F8: variants seen among roughly 807,000 people sequenced by gnomAD.
The protein encoded by F8 is coagulation factor VIII, also known as antihemophilic factor.
In F8, 12 loss-of-function variants were observed where a neutral mutation model predicts 140.6. That is an observed-to-expected ratio of 0.09 (90% confidence interval 0.05 to 0.14). The LOEUF (loss-of-function observed/expected upper bound fraction) is 0.14. Ranked by LOEUF, F8 falls within the 10% of genes least tolerant of loss-of-function variation. The pLI is 1.00. For synonymous variants in F8, 585 were observed against 614.6 expected (o/e 0.95, Z 0.71); for missense variants, 1,354 against 1,720.7 (o/e 0.79, Z 3.77).
At position 154,975,345 on chromosome X, in the gene F8, T is replaced by G. The variant is rs1857645; in HGVS notation, c.788-5793A>C. Among the ~76,000 whole-genome samples, 763 of 112,425 alleles carry G rather than the reference T, an allele frequency of 6.8e-3. 7 individuals are homozygous for G. Among genetic ancestry groups the G allele is most frequent in the African/African-American group, 0.023 (698 of 30,983 alleles). ...TTTCTTCATTGACCCATTGTTTGTT[T>G]AGGGGCATGTTCTTTAATTTCCATG... On this transcript the variant is annotated intron_variant, in intron 6 of 25. Transcript: ENST00000360256.
chrX:154,979,373 G>A (rs1349003498), intron 6 of F8, among the ~76,000 whole-genome samples: 3 of 111,192 alleles, frequency 2.7e-5, no homozygotes, highest in African/African-American at 6.6e-5. Context: ...TGATCCCTAG[G>A]CCCCTGGATG....
At position 154,929,465 on chromosome X, in the gene F8, T is replaced by C; in HGVS notation, c.4325A>G (p.Lys1442Arg). 1 of 1,211,818 alleles carries C rather than the reference T, an allele frequency of 8.3e-7. No homozygotes were observed. The highest frequency in any genetic ancestry group is 1.1e-6 in the Non-Finnish European group (1 of 895,504). ...SSHLPAASYR[K>R]KDSGVQESSH... ...GCTTTCTTGGACCCCAGAATCTTTC[T>C]TTCTATAAGATGCTGCTGGAAGATG... Residue 1442 changes from lysine to arginine, a missense_variant, in exon 14 of 26, where the codon AAG becomes AGG. Lys to Arg is a conservative substitution (Grantham distance 26). Coordinates refer to ENST00000360256, the MANE Select transcript of F8 (RefSeq NM_000132.4).
chrX:154,986,236 A>G (rs1236407925), intron 5 of F8, among the ~76,000 whole-genome samples: 1 of 112,621 alleles, frequency 8.9e-6, no homozygotes, highest in African/African-American at 3.2e-5. Flanking sequence ...AAGGCTGGAA[A>G]TGTCACCAGA....
chrX:155,003,685 G>A (rs2073660164), intron 1 of F8, among the ~76,000 whole-genome samples: 1 of 111,608 alleles, frequency 9.0e-6, no homozygotes, highest in Non-Finnish European at 1.9e-5. Flanking sequence ...GCAGCTGGGC[G>A]CGGTGGCTCA....
chrX:154,915,188 TG>T (rs2073089368), intron 14 of F8, among the ~76,000 whole-genome samples: 1 of 111,425 alleles, frequency 9.0e-6, no homozygotes, highest in Non-Finnish European at 1.9e-5. Flanking sequence ...GAGAACAGCA[TG>T]GGGGAAAACT....
chrX:154,861,369 G>A (rs183380174), intron 24 of F8, among the ~76,000 whole-genome samples: 88 of 111,675 alleles, frequency 7.9e-4, no homozygotes, highest in African/African-American at 2.6e-3. Flanking sequence ...GCTCATCCTA[G>A]GGATACTAAG....
Position 154,972,505 on chromosome X carries a change from T to C in F8, c.788-2953A>G, listed in dbSNP as rs1168426179. Among the ~76,000 whole-genome samples the C allele has an allele frequency of 2.7e-5, 3 of 111,116 alleles. No homozygotes were observed. The East Asian group carries it at 8.4e-4, about 31-fold the overall frequency. On this transcript the variant is annotated intron_variant, in intron 6 of 25. Transcript: ENST00000360256. ...ACTCTGTTGATTGTTTCCTTTGCTG[T>C]GCAGAAGCTTTCTAGTTTGATGTAA...
rs1294816308 is a variant in F8, at chrX:154,836,809, TA to T, written c.*787del. The T allele has an allele frequency of 6.2e-5, 7 of 112,259 alleles. No homozygotes were observed. Among genetic ancestry groups the T allele is most frequent in the Non-Finnish European group, 9.4e-5 (5 of 53,271 alleles). The allele number at this position is 112,259 out of a possible 1,213,427, so 9.3% of individuals were successfully genotyped here. ...TTTCAACAATTGCATCCTCCTGACTTATTTTTTTATTGGTCAGAATTAAGAC... is the reference window on the plus strand; with the variant it reads ...TTTCAACAATTGCATCCTCCTGACTTTTTTTTTATTGGTCAGAATTAAGAC... On this transcript the variant is annotated 3_prime_UTR_variant, in exon 26 of 26. Transcript: ENST00000360256.
At chrX:154,986,882 T>C (rs782522080) in intron 5 of F8, among the ~76,000 whole-genome samples, 1 of 111,825 alleles carries the variant, frequency 8.9e-6, no homozygotes, top group African/African-American at 3.2e-5. Context: ...AAAAATGTAC[T>C]ATTATTTCCA....
At chrX:154,896,532 C>CACACAT (rs1159376266) in intron 21 of F8, among the ~76,000 whole-genome samples, 2 of 109,693 alleles carry the variant, frequency 1.8e-5, no homozygotes, top group African/African-American at 6.7e-5. Flanking sequence ...CACACACACA[C>CACACAT]ACACATACAC....
At chrX:154,857,222 G>A (rs191189123) in intron 25 of F8, among the ~76,000 whole-genome samples, 53 of 111,837 alleles carry the variant, frequency 4.7e-4, no homozygotes, top group African/African-American at 1.6e-3. Flanking sequence ...CATGTGACCT[G>A]AACTGCCCAT....
At chrX:154,893,510 G>C (rs1557275318) in intron 22 of F8, among the ~76,000 whole-genome samples, 1 of 111,555 alleles carries the variant, frequency 9.0e-6, no homozygotes, top group East Asian at 2.8e-4. Flanking sequence ...TAAAAATTAG[G>C]GTCTATGTCT....
intron 6 of F8, among the ~76,000 whole-genome samples, chrX:154,978,402 T>C (rs946587181): frequency 3.6e-5 from 4 of 111,837 alleles, no homozygotes; most frequent in Non-Finnish European, 5.6e-5. Context: ...GATACAGGCA[T>C]GTGATGTGAA....
At chrX:154,997,170 G>C in intron 2 of F8, 75 bp from the exon 3 acceptor site, 1 of 1,135,043 alleles carries the variant, frequency 8.8e-7, no homozygotes, top group Non-Finnish European at 1.2e-6. Flanking sequence ...AAAAGTTAGA[G>C]TCAAGGTCAC....
rs782550982 is a variant in F8 at position 154,901,456 on chromosome X, G to A, written c.6116-14C>T. On this transcript the variant is annotated splice_polypyrimidine_tract_variant and intron_variant, in intron 19 of 25. Transcript: ENST00000360256. Reference sequence around the variant, plus strand: ...GAGTCTGACACTCTGAAATGAAACGGGTGGAACACAGTAACTAGAAGTGCA... The same window carrying A: ...GAGTCTGACACTCTGAAATGAAACGAGTGGAACACAGTAACTAGAAGTGCA... 1.7e-5 allele frequency: 19 copies of A among 1,118,303 alleles called. No homozygotes were observed. The African/African-American group carries it at 3.2e-4, about 19-fold the overall frequency. 92.2% of individuals were successfully genotyped at this position (1,118,303 alleles called of 1,213,427 possible).
At chrX:154,993,971 T>C (rs1267425800) in intron 3 of F8, among the ~76,000 whole-genome samples, 2 of 112,378 alleles carry the variant, frequency 1.8e-5, no homozygotes. Flanking sequence ...TTTACCAGAC[T>C]CAGCTACAAG....
intron 13 of F8, among the ~76,000 whole-genome samples, chrX:154,941,332 A>C (rs1253885794): frequency 9.8e-5 from 11 of 111,852 alleles, no homozygotes; most frequent in Non-Finnish European, 2.1e-4. Context: ...TCTACCAAGC[A>C]AGTGGAAAAC....
chrX:154,871,171 T>C (rs2072771094), intron 22 of F8, among the ~76,000 whole-genome samples: 1 of 112,152 alleles, frequency 8.9e-6, no homozygotes, highest in African/African-American at 3.2e-5. Context: ...TACCACTGAC[T>C]TTCTTCACAG....
Position 154,837,630 on chromosome X carries a change from C to T in F8, c.7023G>A (p.Glu2341=), listed in dbSNP as rs781949424. 1.5e-5 allele frequency: 18 copies of T among 1,206,317 alleles called. No homozygotes were observed. Among genetic ancestry groups the T allele is most frequent in the Middle Eastern group, 2.3e-4 (1 of 4,348 alleles). ...SWVHQIALRM[E]VLGCEAQDLY ...GGTCCTGTGCCTCGCAGCCCAGAAC[C>T]TCCATCCTCAGGGCAATCTGGTGCA... Residue 2341 remains glutamate, a synonymous_variant, in exon 26 of 26, where the codon GAG becomes GAA. Transcript: ENST00000360256.
Sources: gnomAD v4.1 joint callset for allele counts (sites outside exome capture counted in the v4.1 genomes callset) on GRCh38, gnomAD v4.1.1 for gene constraint, MANE v1.5 for transcripts, NCBI Gene and HGNC (gene_info 2026-07-23, HGNC 2026-07-21) for gene names.